The following C20orf96 variants were observed in gnomAD, a reference collection of about 807,000 sequenced individuals.
C20orf96 encodes the protein uncharacterized protein C20orf96.
Under a neutral mutation model 52.6 loss-of-function variants are expected in C20orf96, and 57 were observed. That is an observed-to-expected ratio of 1.08 (90% CI 0.88 to 1.35). The LOEUF is 1.35. Among genes scored for constraint, C20orf96 ranks in the 40% most tolerant of loss-of-function variants. The pLI is 0.00. For synonymous variants in C20orf96, 168 were observed against 157.2 expected, an observed-to-expected ratio of 1.07 and a Z score of -0.51; for missense variants, 478 against 443.6, an observed-to-expected ratio of 1.08 and a Z score of -0.70.
Position 279,188 on chromosome 20 carries a change from T to C in C20orf96, c.449A>G (p.Gln150Arg), listed in dbSNP as rs146587791. 2.5e-6 allele frequency: 4 copies of C among 1,600,390 alleles called. No individual in the cohort carries two copies. The African/African-American group carries it at 5.4e-5, about 22-fold the overall frequency. The part of the protein sequence containing the change: ...TTLHVRALLQ[Q>R]QDTLATIIDI... ...GGGTCTCACCGCCAGGGTGTCCTGC[T>C]GCTGCAGCAGGGCCCGCACGTGCAG... The change falls in exon 5 of 11, where the codon CAG becomes CGG. Residue 150 changes from glutamine (Q) to arginine (R), a missense_variant. Physicochemically the swap from Gln to Arg is conservative, Grantham distance 43. Transcript: ENST00000360321.
At chr20:281,800 T>A (rs550215522) in intron 4 of C20orf96, among the ~76,000 whole-genome samples, 1 of 152,240 alleles carries the variant, frequency 6.6e-6, no homozygotes, top group East Asian at 1.9e-4. Context: ...CAAAGGGAGA[T>A]CCCATCTCTA....
intron 1 of C20orf96, 27 bp from the exon 2 acceptor site, chr20:290,334 C>A (rs1568495071): frequency 6.2e-7 from 1 of 1,610,982 alleles, no homozygotes; most frequent in Admixed American, 1.7e-5. Flanking sequence ...AGGGAAAGAA[C>A]TTCCATTATC....
At chr20:275,847 G>GC in intron 10 of C20orf96, 121 bp downstream of exon 10, 1 of 918,794 alleles carries the variant, frequency 1.1e-6, no homozygotes, top group Non-Finnish European at 1.8e-6. Context: ...ACCCAGGACC[G>GC]CCCCTCCCTC....
chr20:290,318 T>C lies in C20orf96; in HGVS notation c.21-11A>G. ...CCAGAGTGCTTGGGTCTGGAAAGAG[T>C]TGGGAAGGGAAAGAACTTCCATTAT... On this transcript the variant is annotated splice_polypyrimidine_tract_variant and intron_variant, in intron 1 of 10. Transcript: ENST00000360321. 1 of 1,612,194 alleles carries C rather than the reference T, an allele frequency of 6.2e-7. No homozygotes were observed. The highest frequency in any genetic ancestry group is 8.5e-7 in the Non-Finnish European group (1 of 1,179,258).
chr20:276,788 C>A lies in C20orf96; in HGVS notation c.912+5G>T, dbSNP rs761027689. On this transcript the variant is annotated splice_donor_5th_base_variant and intron_variant, in intron 9 of 10. Coordinates refer to ENST00000360321, the MANE Select transcript of C20orf96 (RefSeq NM_153269.3). ...CAGGGACCACCACCTTCCTTGCCCA[C>A]GCACTTCTCTGAACCTTTGCATGCA... is the stretch of plus-strand genomic sequence containing the variant. 15 of 1,611,648 alleles carry A rather than the reference C, an allele frequency of 9.3e-6. No homozygotes were observed. Among genetic ancestry groups the A allele is most frequent in the Non-Finnish European group, 1.2e-5 (14 of 1,178,570 alleles).
chr20:290,585 A>G lies in C20orf96; in HGVS notation c.20+6T>C. The G allele has an allele frequency of 4.4e-6, 5 of 1,132,788 alleles. No individual in the cohort carries two copies. The highest frequency in any genetic ancestry group is 5.7e-6 in the Non-Finnish European group (5 of 882,982). The allele number at this position is 1,132,788 out of a possible 1,614,324, so 70.2% of individuals were successfully genotyped here. A position where few individuals can be genotyped will look rare whatever the true frequency, so the allele number is the denominator to read the frequency against. ...CCAATTTTTTTTTTTTTTTTTTTTT[A>G]CCTACTTTTGTAAGACATGCGCCAT... On this transcript the variant is annotated splice_donor_region_variant and intron_variant, in intron 1 of 10. Coordinates refer to ENST00000360321, the MANE Select transcript of C20orf96 (RefSeq NM_153269.3).
chr20:280,670 T>A (rs2012230674), intron 4 of C20orf96, among the ~76,000 whole-genome samples: 1 of 152,214 alleles, frequency 6.6e-6, no homozygotes, highest in Non-Finnish European at 1.5e-5. Flanking sequence ...GCCTTAAAAC[T>A]GCAAGGCATG....
rs113665331 is a variant in C20orf96 at position 279,109 on chromosome 20, A to C, written c.465+63T>G. The stretch of plus-strand genomic sequence containing the variant: ...GAGGGCGGGACGGAGGGACGGAGGG[A>C]GGGAGGGAGGGACGGAGGTTGGGAC... On this transcript the variant is annotated intron_variant, in intron 5 of 10. Transcript: ENST00000360321. 893 of 765,850 alleles carry C rather than the reference A, an allele frequency of 1.2e-3. 14 individuals carry two copies. Among genetic ancestry groups the C allele is most frequent in the Admixed American group, 1.6e-3 (28 of 17,428 alleles). The allele number at this position is 765,850 out of a possible 1,614,324, so 47.4% of individuals were successfully genotyped here.
At chr20:290,479 G>A (rs1201177561) in intron 1 of C20orf96, 112 bp downstream of exon 1, 1 of 1,488,768 alleles carries the variant, frequency 6.7e-7, no homozygotes, top group Non-Finnish European at 8.9e-7. Context: ...GAGGACGGGG[G>A]TCAGAAGACC....
chr20:280,205 TAACAACAACAAC>T (rs760316337), intron 4 of C20orf96, among the ~76,000 whole-genome samples: 1 of 150,728 alleles, frequency 6.6e-6, no homozygotes, highest in Non-Finnish European at 1.5e-5. Flanking sequence ...AAACCTACAG[TAACAACAACAAC>T]AACAATTGTA....
chr20:279,237 G>T lies in C20orf96; in HGVS notation c.400C>A (p.Gln134Lys), dbSNP rs1476759803. Residue 134 changes from glutamine (Q) to lysine (K), a missense_variant, in exon 5 of 11, where the codon CAG becomes AAG. Transcript: ENST00000360321. ...AGGGTCGTGCTGTTCTCCATCTCCTGGATGGTCTCGATCAGCTCCCGGTTG... is the reference window on the plus strand; with the variant it reads ...AGGGTCGTGCTGTTCTCCATCTCCTTGATGGTCTCGATCAGCTCCCGGTTG... ...KLNRELIETI[Q>K]EMENSTTLHV... 2.5e-6 allele frequency: 4 copies of T among 1,611,038 alleles called. No individual in the cohort carries two copies. The highest frequency in any genetic ancestry group is 3.4e-6 in the Non-Finnish European group (4 of 1,179,162).
intron 3 of C20orf96, among the ~76,000 whole-genome samples, chr20:284,647 A>G (rs1416662922): frequency 2.0e-5 from 3 of 152,258 alleles, no homozygotes; most frequent in Non-Finnish European, 4.4e-5. Context: ...CCTGTGGTCA[A>G]CAGTTCAAGA....
Position 277,258 on chromosome 20 carries a change from G to A in C20orf96, c.691C>T (p.Arg231Cys), listed in dbSNP as rs147158424. ...IKSVQISTLMRQLQQVKDSQQ... is the reference protein window; with the variant it reads ...IKSVQISTLMCQLQQVKDSQQ... ...CTGTCCTTAACCTGCTGCAGCTGGC[G>A]CATAAGAGTGGAGATCTGGACAGAC... is the stretch of plus-strand genomic sequence containing the variant. Residue 231 changes from arginine to cysteine, a missense_variant, in exon 7 of 11, where the codon CGC becomes TGC. Arg to Cys is a radical substitution (Grantham distance 180, BLOSUM62 -3). Coordinates refer to ENST00000360321, the MANE Select transcript of C20orf96 (RefSeq NM_153269.3). 9.2e-5 allele frequency: 148 copies of A among 1,614,160 alleles called. No individual in the cohort carries two copies. Among genetic ancestry groups the A allele is most frequent in the African/African-American group, 8.4e-4 (63 of 75,028 alleles).
At chr20:276,249 G>T in intron 9 of C20orf96, 163 bp from the exon 10 acceptor site, 1 of 985,454 alleles carries the variant, frequency 1.0e-6, no homozygotes, top group South Asian at 4.7e-5. Context: ...CATGCAAGGT[G>T]CGGCTGGCTT....
chr20:290,311 GAA>G lies in C20orf96; in HGVS notation c.21-6_21-5del. 6.2e-7 allele frequency: 1 copy of G among 1,612,686 alleles called. No individual in the cohort carries two copies. Among genetic ancestry groups the G allele is most frequent in the Non-Finnish European group, 8.5e-7 (1 of 1,179,380 alleles). On this transcript the variant is annotated splice_polypyrimidine_tract_variant and splice_region_variant and intron_variant, in intron 1 of 10. Coordinates refer to ENST00000360321, the MANE Select transcript of C20orf96 (RefSeq NM_153269.3). ...GTGAGTCCCAGAGTGCTTGGGTCTGGAAAGAGTTGGGAAGGGAAAGAACTTCC... is the reference window on the plus strand; with the variant it reads ...GTGAGTCCCAGAGTGCTTGGGTCTGGAGAGTTGGGAAGGGAAAGAACTTCC...
intron 3 of C20orf96, among the ~76,000 whole-genome samples, chr20:288,711 A>AG (rs907960990): frequency 3.3e-5 from 5 of 152,330 alleles, no homozygotes; most frequent in Admixed American, 3.3e-4. Context: ...TGTTGCCCAC[A>AG]GGGGAGCTGA....
intron 3 of C20orf96, among the ~76,000 whole-genome samples, chr20:284,299 G>A (rs895358043): frequency 6.6e-6 from 1 of 152,326 alleles, no homozygotes; most frequent in Non-Finnish European, 1.5e-5. Flanking sequence ...ACAAGCCCAG[G>A]TGAAAGCAGT....
intron 3 of C20orf96, among the ~76,000 whole-genome samples, chr20:288,375 G>A (rs1287045257): frequency 1.3e-5 from 2 of 152,024 alleles, no homozygotes; most frequent in South Asian, 4.1e-4. Context: ...TTCCCTGCTT[G>A]GTGGTGCTGA....
At chr20:285,159 C>T (rs6106276) in intron 3 of C20orf96, among the ~76,000 whole-genome samples, 19,658 of 152,200 alleles carry the variant, frequency 0.13, 1,354 homozygotes, top group East Asian at 0.17. Flanking sequence ...ACAGCAGCCA[C>T]GCAAAACTCC....
Sources: allele counts gnomAD v4.1 joint callset (sites outside exome capture counted in the v4.1 genomes callset), GRCh38; gene constraint gnomAD v4.1.1; transcripts MANE v1.5; gene names NCBI Gene and HGNC (gene_info 2026-07-23, HGNC 2026-07-21).